Variants in MLIP observed in about 807,000 individuals in gnomAD.
MLIP encodes the protein muscular LMNA interacting protein, also known as muscular LMNA-interacting protein.
A neutral mutation model predicts 84.8 loss-of-function variants in MLIP; 79 were observed. The observed-to-expected ratio is 0.93, with a 90% CI of 0.78 to 1.12. MLIP has a LOEUF of 1.12. Ranked by LOEUF, MLIP falls within the 50% of genes most tolerant of loss-of-function variation. The pLI is 0.00. For synonymous variants in MLIP, 504 were observed against 463.0 expected (o/e 1.09, Z -1.14); for missense variants, 1,257 against 1,160.6 (o/e 1.08, Z -1.21).
chr6:54,041,536 C>G (rs1293543569), intron 1 of MLIP, among the ~76,000 whole-genome samples: 6 of 151,906 alleles, frequency 3.9e-5, no homozygotes, highest in Admixed American at 3.9e-4. Flanking sequence ...TTTGTATTTC[C>G]ACTAGCAAAG....
At chr6:54,030,093 A>G (rs1311401537) in intron 1 of MLIP, among the ~76,000 whole-genome samples, 1 of 152,212 alleles carries the variant, frequency 6.6e-6, no homozygotes, top group Non-Finnish European at 1.5e-5. Flanking sequence ...AAAAAACCAC[A>G]TATGATTTCA....
At chr6:54,123,095 G>A (rs987720984) in intron 2 of MLIP, among the ~76,000 whole-genome samples, 2 of 126,878 alleles carry the variant, frequency 1.6e-5, no homozygotes, top group Admixed American at 8.5e-5. Context: ...CACCGCGCCC[G>A]GCTAATTTTT....
chr6:54,205,356 T>A (rs1038461292), intron 11 of MLIP, among the ~76,000 whole-genome samples: 4 of 152,206 alleles, frequency 2.6e-5, no homozygotes, highest in African/African-American at 7.2e-5. Flanking sequence ...ACCCATGTAA[T>A]GGAAAATTCT....
intron 2 of MLIP, among the ~76,000 whole-genome samples, chr6:54,121,960 C>T (rs1770494458): frequency 6.6e-6 from 1 of 152,068 alleles, no homozygotes; most frequent in African/African-American, 2.4e-5. Flanking sequence ...TTATTATTTA[C>T]AGGTAATGAA....
At chr6:54,042,696 G>C (rs1561886598) in intron 1 of MLIP, among the ~76,000 whole-genome samples, 1 of 152,176 alleles carries the variant, frequency 6.6e-6, no homozygotes, top group Non-Finnish European at 1.5e-5. Context: ...CAGATCTGGA[G>C]TCATAAGACT....
chr6:54,196,624 A>C (rs564601431), intron 10 of MLIP, among the ~76,000 whole-genome samples: 3 of 152,066 alleles, frequency 2.0e-5, no homozygotes, highest in Non-Finnish European at 2.9e-5. Flanking sequence ...TTTGCATTGA[A>C]TCAGTACCTC....
rs1582098959 is a variant in MLIP at position 54,083,415 on chromosome 6, G to A, written c.64-38032G>A. 2.7e-6 allele frequency: 4 copies of A among 1,462,220 alleles called. 1 individual carries two copies. In the Admixed American group the frequency reaches 6.5e-5, roughly 24 times the overall value. The allele number at this position is 1,462,220 out of a possible 1,614,324, so 90.6% of individuals were successfully genotyped here. ...TCCAGAGTTGTTGGGGAAGCAGGGA[G>A]GAAGGAGGGCATAATTTGTACAGTG... On this transcript the variant is annotated intron_variant, in intron 1 of 12. Transcript: ENST00000274897.
rs1305981304 is a variant in MLIP at position 54,089,033 on chromosome 6, A to C, written c.64-32414A>C. 2.6e-5 allele frequency among the ~76,000 whole-genome samples: 4 copies of C among 152,156 alleles called. No homozygotes were observed. In the South Asian group the frequency reaches 6.2e-4, roughly 24 times the overall value. ...AAAAAAAGTGGAGACTAAAATATTTAGACTTACAATTCTGGTGGATTTTAA... is the reference window on the plus strand; with the variant it reads ...AAAAAAAGTGGAGACTAAAATATTTCGACTTACAATTCTGGTGGATTTTAA... On this transcript the variant is annotated intron_variant, in intron 1 of 12. Transcript: ENST00000274897.
At chr6:54,168,504 C>T (rs973219918) in intron 8 of MLIP, among the ~76,000 whole-genome samples, 1 of 151,794 alleles carries the variant, frequency 6.6e-6, no homozygotes, top group African/African-American at 2.4e-5. Context: ...GATTTCATTG[C>T]TTATTTCTTT....
At chr6:54,032,273 C>CCACT (rs1434534827) in intron 1 of MLIP, 2 of 152,064 alleles carry the variant, frequency 1.3e-5, no homozygotes, top group African/African-American at 4.8e-5. Context: ...AAATTCTTTA[C>CCACT]CACTGGCAGT....
intron 1 of MLIP, among the ~76,000 whole-genome samples, chr6:54,089,312 A>G (rs921867998): frequency 6.6e-6 from 1 of 152,250 alleles, no homozygotes; most frequent in South Asian, 2.1e-4. Flanking sequence ...TATAAATTCC[A>G]CCGGGAATTA....
At chr6:54,250,981 G>C (rs1782436234) in intron 12 of MLIP, among the ~76,000 whole-genome samples, 1 of 151,886 alleles carries the variant, frequency 6.6e-6, no homozygotes, top group African/African-American at 2.4e-5. Flanking sequence ...TGTCTCTCCT[G>C]CTAGACTGTA....
chr6:54,209,729 G>C (rs1220146071), intron 11 of MLIP, among the ~76,000 whole-genome samples: 5 of 151,852 alleles, frequency 3.3e-5, no homozygotes, highest in Non-Finnish European at 5.9e-5. Context: ...TTACAATTTT[G>C]TTCCTTTTCA....
chr6:54,053,988 T>C (rs2150320680), intron 1 of MLIP, among the ~76,000 whole-genome samples: 1 of 152,324 alleles, frequency 6.6e-6, no homozygotes, highest in South Asian at 2.1e-4. Context: ...ATTCAGAGTT[T>C]AGATTTTCTT....
intron 1 of MLIP, among the ~76,000 whole-genome samples, chr6:54,052,219 T>C (rs1264495952): frequency 1.3e-5 from 2 of 152,130 alleles, no homozygotes; most frequent in African/African-American, 2.4e-5. Flanking sequence ...AGAAGAAATA[T>C]ATGATCCTCT....
At chr6:54,122,985 G>A (rs1353760257) in intron 2 of MLIP, among the ~76,000 whole-genome samples, 1 of 151,002 alleles carries the variant, frequency 6.6e-6, no homozygotes, top group Non-Finnish European at 1.5e-5. Flanking sequence ...AGGCTAGAGT[G>A]CAGTGGCGCG....
intron 11 of MLIP, chr6:54,216,880 C>A: frequency 1.0e-6 from 1 of 985,200 alleles, no homozygotes; most frequent in African/African-American, 1.7e-5. Context: ...TTTTGTGATG[C>A]TGTCTGTAAA....
At chr6:54,202,494 A>G (rs902495414) in intron 11 of MLIP, among the ~76,000 whole-genome samples, 2 of 148,982 alleles carry the variant, frequency 1.3e-5, no homozygotes, top group African/African-American at 2.5e-5. Flanking sequence ...AAACTTGTCT[A>G]TCTAGTGCTG....
At chr6:54,237,056 AC>A (rs1211693522) in intron 12 of MLIP, among the ~76,000 whole-genome samples, 4 of 151,862 alleles carry the variant, frequency 2.6e-5, no homozygotes, top group Admixed American at 2.6e-4. Context: ...GGGTGATTGT[AC>A]CTTTGTTTGG....
Sources: gnomAD v4.1 joint callset for allele counts (sites outside exome capture counted in the v4.1 genomes callset) on GRCh38, gnomAD v4.1.1 for gene constraint, MANE v1.5 for transcripts, NCBI Gene and HGNC (gene_info 2026-07-23, HGNC 2026-07-21) for gene names.